Variants in NDST4 observed in about 807,000 individuals in gnomAD.
NDST4 encodes the protein N-deacetylase and N-sulfotransferase 4, also known as N-heparan sulfate sulfotransferase 4.
NDST4 carries 63 observed loss-of-function variants against 100.8 expected under a neutral mutation model. The ratio of observed to expected loss-of-function variants is 0.62; its 90% CI spans 0.51 to 0.77. The LOEUF (loss-of-function observed/expected upper bound fraction) is 0.77, where lower values mean the gene tolerates loss of function less well. Among genes scored for constraint, NDST4 ranks in the 30% least tolerant of loss-of-function variants. The pLI, the probability that NDST4 is intolerant of heterozygous loss-of-function variation, is 0.00. For synonymous variants in NDST4, 377 were observed against 361.8 expected (o/e 1.04, Z -0.48); for missense variants, 943 against 1,018.4 (o/e 0.93, Z 1.01).
At chr4:115,095,045 A>C (rs201317725) in intron 1 of NDST4, among the ~76,000 whole-genome samples, 1 of 152,300 alleles carries the variant, frequency 6.6e-6, no homozygotes, top group Non-Finnish European at 1.5e-5. Context: ...ACAATGTCAG[A>C]GACAGCTGTC....
At chr4:114,867,954 T>C (rs150452984) in intron 7 of NDST4, among the ~76,000 whole-genome samples, 3 of 152,270 alleles carry the variant, frequency 2.0e-5, no homozygotes, top group Non-Finnish European at 4.4e-5. Flanking sequence ...TTGACAGATA[T>C]TCATATTGCA....
chr4:115,064,353 C>G (rs1285653139), intron 2 of NDST4, among the ~76,000 whole-genome samples: 1 of 151,886 alleles, frequency 6.6e-6, no homozygotes, highest in Non-Finnish European at 1.5e-5. Context: ...GGCAGAACAA[C>G]TAAAAGTAAA....
At chr4:115,098,498 G>A (rs530657893) in intron 1 of NDST4, among the ~76,000 whole-genome samples, 1 of 152,158 alleles carries the variant, frequency 6.6e-6, no homozygotes. Context: ...AGTATATTTG[G>A]AAAGCAAAAG....
chr4:115,028,996 A>G (rs1728049071), intron 2 of NDST4, among the ~76,000 whole-genome samples: 1 of 152,130 alleles, frequency 6.6e-6, no homozygotes, highest in African/African-American at 2.4e-5. Flanking sequence ...GGTGACAAGG[A>G]GGGAGTGTTT....
chr4:115,028,278 A>G (rs1560572551), intron 2 of NDST4, among the ~76,000 whole-genome samples: 1 of 152,174 alleles, frequency 6.6e-6, no homozygotes, highest in South Asian at 2.1e-4. Context: ...ATTTGCTATC[A>G]AATAATAAAC....
intron 2 of NDST4, among the ~76,000 whole-genome samples, chr4:114,978,198 C>T (rs1726680731): frequency 6.6e-6 from 1 of 151,870 alleles, no homozygotes. Context: ...TAATTTCAAA[C>T]AAGAGATATT....
intron 2 of NDST4, among the ~76,000 whole-genome samples, chr4:114,981,250 GAAGGAAGGAAGGAAGGAAGA>G (rs776729954): frequency 2.0e-5 from 3 of 150,214 alleles, no homozygotes; most frequent in African/African-American, 7.4e-5. Flanking sequence ...AGGAAGGAAG[GAAGGAAGGAAGGAAGGAAGA>G]AAGCAGGAAA....
At chr4:114,852,484 A>G (rs550219482) in intron 8 of NDST4, among the ~76,000 whole-genome samples, 1 of 152,288 alleles carries the variant, frequency 6.6e-6, no homozygotes, top group African/African-American at 2.4e-5. Flanking sequence ...ATGTATGTTG[A>G]ACAGTTTTAA....
At chr4:114,962,794 A>T (rs1372435102) in intron 4 of NDST4, among the ~76,000 whole-genome samples, 1 of 152,092 alleles carries the variant, frequency 6.6e-6, no homozygotes, top group African/African-American at 2.4e-5. Context: ...TATTGTGCAG[A>T]AATTGATAAG....
intron 2 of NDST4, among the ~76,000 whole-genome samples, chr4:114,986,811 T>C (rs1229400265): frequency 4.1e-5 from 5 of 121,536 alleles, no homozygotes; most frequent in Non-Finnish European, 8.4e-5. Context: ...TATATATATA[T>C]ATATATATAT....
At chr4:115,101,392 G>A (rs1729727512) in intron 1 of NDST4, among the ~76,000 whole-genome samples, 1 of 151,946 alleles carries the variant, frequency 6.6e-6, no homozygotes, top group African/African-American at 2.4e-5. Context: ...TGCAGGAAGT[G>A]TAAGTTAAAG....
intron 7 of NDST4, among the ~76,000 whole-genome samples, chr4:114,868,257 A>G (rs1724075084): frequency 1.3e-5 from 2 of 152,162 alleles, no homozygotes; most frequent in African/African-American, 4.8e-5. Flanking sequence ...ATGTTTATCT[A>G]TTCTAACTCT....
At chr4:114,973,586 G>A (rs934988341) in intron 3 of NDST4, among the ~76,000 whole-genome samples, 1 of 151,480 alleles carries the variant, frequency 6.6e-6, no homozygotes, top group African/African-American at 2.4e-5. Context: ...TTTTAATTCA[G>A]AAGTAAAATA....
intron 1 of NDST4, among the ~76,000 whole-genome samples, chr4:115,086,912 A>T (rs994150460): frequency 3.9e-5 from 6 of 152,164 alleles, no homozygotes; most frequent in African/African-American, 1.4e-4. Context: ...GCCATATAAG[A>T]TTTAGATAGA....
chr4:115,093,968 G>C (rs1729571803), intron 1 of NDST4, among the ~76,000 whole-genome samples: 1 of 151,896 alleles, frequency 6.6e-6, no homozygotes. Flanking sequence ...ATACAATAGA[G>C]AGAAAAATAA....
At position 115,003,164 on chromosome 4, in the gene NDST4, T is replaced by C. The variant is rs974365897; in HGVS notation, c.979-25890A>G. Among the ~76,000 whole-genome samples the C allele has an allele frequency of 2.0e-5, 3 of 152,096 alleles. No individual in the cohort carries two copies. The South Asian group carries it at 6.2e-4, about 32-fold the overall frequency. ...AAAACCTAGATGACAGGTTGATGGG[T>C]GCAGCAAAGCACCATGGCACATGTA... On this transcript the variant is annotated intron_variant, in intron 2 of 13. Transcript: ENST00000264363.
intron 2 of NDST4, among the ~76,000 whole-genome samples, chr4:115,003,088 G>T (rs1459973576): frequency 6.6e-6 from 1 of 152,102 alleles, no homozygotes; most frequent in Non-Finnish European, 1.5e-5. Context: ...AGGGCTGCAG[G>T]GACAAAGGGA....
chr4:114,984,791 G>A (rs17047543), intron 2 of NDST4, among the ~76,000 whole-genome samples: 2,942 of 152,196 alleles, frequency 0.019, 102 homozygotes, highest in African/African-American at 0.066. Context: ...TCAGTAAAAT[G>A]GAGTTGGGAT....
At chr4:114,837,526 A>G (rs562136170) in intron 11 of NDST4, among the ~76,000 whole-genome samples, 1 of 152,326 alleles carries the variant, frequency 6.6e-6, no homozygotes, top group South Asian at 2.1e-4. Flanking sequence ...AACACCACAC[A>G]TCTACAAACA....
Sources: gnomAD v4.1 joint callset for allele counts (sites outside exome capture counted in the v4.1 genomes callset) on GRCh38, gnomAD v4.1.1 for gene constraint, MANE v1.5 for transcripts, NCBI Gene and HGNC (gene_info 2026-07-23, HGNC 2026-07-21) for gene names.